The following PTPRK variants were observed in gnomAD, a reference collection of about 807,000 sequenced individuals.
PTPRK encodes the protein receptor-type tyrosine-protein phosphatase kappa.
PTPRK carries 75 observed loss-of-function variants against 178.0 expected under a neutral mutation model. The observed-to-expected ratio is 0.42, with a 90% CI of 0.35 to 0.51. The LOEUF is 0.51. PTPRK is among the 20% of genes least tolerant of loss of function. PTPRK has a pLI of 0.02. For synonymous variants in PTPRK, 637 were observed against 620.6 expected, an observed-to-expected ratio of 1.03 and a Z score of -0.39; for missense variants, 1,441 against 1,797.8, an observed-to-expected ratio of 0.80 and a Z score of 3.59.
At chr6:128,287,802 G>A (rs1013985812) in intron 3 of PTPRK, among the ~76,000 whole-genome samples, 3 of 152,122 alleles carry the variant, frequency 2.0e-5, no homozygotes, top group African/African-American at 7.2e-5. Flanking sequence ...CATTCCGTCT[G>A]TCATCAATTT....
chr6:127,982,795 G>GT (rs1775498935), intron 24 of PTPRK, 36 bp downstream of exon 24: 1 of 1,567,688 alleles, frequency 6.4e-7, no homozygotes, highest in East Asian at 2.3e-5. Context: ...ACAAATTGTA[G>GT]TAAGTCACAA....
intron 1 of PTPRK, among the ~76,000 whole-genome samples, chr6:128,471,052 T>C (rs1850583885): frequency 1.3e-5 from 2 of 152,144 alleles, no homozygotes; most frequent in East Asian, 1.9e-4. Flanking sequence ...TATATGATAA[T>C]GCCTTCAATA....
intron 7 of PTPRK, among the ~76,000 whole-genome samples, chr6:128,109,998 T>C (rs1262590166): frequency 6.6e-6 from 1 of 152,128 alleles, no homozygotes; most frequent in Non-Finnish European, 1.5e-5. Context: ...CTGGAAATAC[T>C]GGGCTTAAGC....
chr6:128,463,308 T>C (rs1235935422), intron 1 of PTPRK, among the ~76,000 whole-genome samples: 1 of 152,168 alleles, frequency 6.6e-6, no homozygotes, highest in African/African-American at 2.4e-5. Context: ...TTGTCTCTCT[T>C]ACAACAGTTA....
intron 5 of PTPRK, chr6:128,238,209 A>G (rs745552012): frequency 8.6e-6 from 3 of 349,968 alleles, no homozygotes; most frequent in South Asian, 4.0e-5. Flanking sequence ...AAAAGAAAAG[A>G]AAAAAAAAAG....
intron 5 of PTPRK, among the ~76,000 whole-genome samples, chr6:128,225,881 A>C (rs563684740): frequency 3.3e-5 from 5 of 152,288 alleles, no homozygotes; most frequent in African/African-American, 1.2e-4. Flanking sequence ...TGACAGAGAG[A>C]GAAAGAGGTG....
chr6:128,504,410 C>T (rs1017583833), intron 1 of PTPRK, among the ~76,000 whole-genome samples: 1 of 152,136 alleles, frequency 6.6e-6, no homozygotes, highest in Non-Finnish European at 1.5e-5. Flanking sequence ...CAATGGTGTG[C>T]CAAATTGTGA....
At chr6:128,454,192 A>C (rs555218498) in intron 1 of PTPRK, among the ~76,000 whole-genome samples, 1 of 152,258 alleles carries the variant, frequency 6.6e-6, no homozygotes, top group South Asian at 2.1e-4. Context: ...CTCGCCAGAC[A>C]CCAAATCTAC....
intron 13 of PTPRK, among the ~76,000 whole-genome samples, chr6:128,030,751 C>T (rs1454960894): frequency 1.3e-5 from 2 of 152,092 alleles, no homozygotes; most frequent in African/African-American, 2.4e-5. Context: ...ATCAGGCTTG[C>T]TTTTTTTCCC....
chr6:127,997,132 C>A, intron 16 of PTPRK, 144 bp from the exon 17 acceptor site: 1 of 760,920 alleles, frequency 1.3e-6, no homozygotes, highest in Non-Finnish European at 2.1e-6. Flanking sequence ...CATTCTCAGA[C>A]CTCAAAGCCG....
chr6:128,353,802 C>T (rs368390505), intron 2 of PTPRK, among the ~76,000 whole-genome samples: 18 of 152,226 alleles, frequency 1.2e-4, no homozygotes, highest in African/African-American at 3.9e-4. Context: ...TCTTGATTAT[C>T]GTGGTAGTTA....
At chr6:128,141,127 G>A (rs1467804483) in intron 7 of PTPRK, among the ~76,000 whole-genome samples, 7 of 151,972 alleles carry the variant, frequency 4.6e-5, no homozygotes, top group African/African-American at 1.4e-4. Context: ...TGGAACTAAA[G>A]TACAAAGGAA....
chr6:128,113,810 C>T (rs1791056645), intron 7 of PTPRK, among the ~76,000 whole-genome samples: 1 of 152,088 alleles, frequency 6.6e-6, no homozygotes, highest in African/African-American at 2.4e-5. Flanking sequence ...AGGAAGAAGT[C>T]ACAGTCCTCT....
chr6:128,396,680 T>C (rs1840345821), intron 2 of PTPRK, among the ~76,000 whole-genome samples: 1 of 152,004 alleles, frequency 6.6e-6, no homozygotes, highest in Non-Finnish European at 1.5e-5. Context: ...AAACCCAAAA[T>C]CAAAGGATAT....
At chr6:128,178,576 T>C (rs1801440219) in intron 7 of PTPRK, among the ~76,000 whole-genome samples, 1 of 151,934 alleles carries the variant, frequency 6.6e-6, no homozygotes, top group African/African-American at 2.4e-5. Context: ...CCTTCCTGAT[T>C]ATTATGAATG....
At chr6:128,132,240 T>A (rs929706383) in intron 7 of PTPRK, among the ~76,000 whole-genome samples, 2 of 152,196 alleles carry the variant, frequency 1.3e-5, no homozygotes, top group African/African-American at 4.8e-5. Context: ...AGTGGCGCGA[T>A]CTTGGCTCAC....
chr6:128,089,841 G>A lies in PTPRK; in HGVS notation c.1314C>T (p.Ser438=), dbSNP rs140055129. 1.2e-6 allele frequency: 2 copies of A among 1,614,054 alleles called. No homozygotes were observed. The highest frequency in any genetic ancestry group is 2.7e-5 in the African/African-American group (2 of 75,010). ...CYHYFRGHNE[S]KADCLDMDPK... ...GGTCCATGTCCAAACAGTCTGCCTT[G>A]CTCTCGTTGTGACCACGGAAGTAAT... The change falls in exon 8 of 30, where the codon AGC becomes AGT. Residue 438 remains serine (S), a synonymous_variant. Coordinates refer to ENST00000368226, the MANE Select transcript of PTPRK (RefSeq NM_002844.4).
At chr6:128,245,649 A>G (rs1453576722) in intron 3 of PTPRK, among the ~76,000 whole-genome samples, 3 of 152,208 alleles carry the variant, frequency 2.0e-5, no homozygotes, top group Admixed American at 6.5e-5. Context: ...AGAATGCTTC[A>G]TGATGGAAGG....
At chr6:128,339,312 A>G (rs1831354005) in intron 2 of PTPRK, among the ~76,000 whole-genome samples, 1 of 152,228 alleles carries the variant, frequency 6.6e-6, no homozygotes, top group South Asian at 2.1e-4. Context: ...AACAGACTCT[A>G]TCGGCAGTTA....
Sources: gnomAD v4.1 joint callset for allele counts (sites outside exome capture counted in the v4.1 genomes callset) on GRCh38, gnomAD v4.1.1 for gene constraint, MANE v1.5 for transcripts, NCBI Gene and HGNC (gene_info 2026-07-23, HGNC 2026-07-21) for gene names.